The following B3GALT1 variants were observed in gnomAD, a reference collection of about 807,000 sequenced individuals.
The protein encoded by B3GALT1 is UDP-Gal:betaGlcNAc beta 1,3-galactosyltransferase, polypeptide 1.
In B3GALT1, 10 loss-of-function variants were observed where a neutral mutation model predicts 23.2. The observed-to-expected ratio is 0.43, with a 90% CI of 0.27 to 0.73. The LOEUF is 0.73. Among genes scored for constraint, B3GALT1 ranks in the 30% least tolerant of loss-of-function variants. The pLI is 0.21. For missense variants in B3GALT1, 299 were observed against 405.4 expected (o/e 0.74, Z 2.25); for synonymous variants, 156 against 141.5 (o/e 1.10, Z -0.73).
intron 3 of B3GALT1, among the ~76,000 whole-genome samples, chr2:167,660,616 A>G (rs1043590953): frequency 2.6e-5 from 4 of 152,148 alleles, no homozygotes; most frequent in Non-Finnish European, 4.4e-5. Flanking sequence ...CTTTCAAAAT[A>G]CAAATCATAA....
chr2:167,403,182 C>T (rs1350322759), intron 1 of B3GALT1, among the ~76,000 whole-genome samples: 1 of 129,700 alleles, frequency 7.7e-6, no homozygotes, highest in Non-Finnish European at 1.6e-5. Context: ...CTCCCCCCAC[C>T]CCACTACAGG....
intron 1 of B3GALT1, among the ~76,000 whole-genome samples, chr2:167,308,162 A>G (rs1219822820): frequency 6.6e-6 from 1 of 152,044 alleles, no homozygotes; most frequent in Non-Finnish European, 1.5e-5. Flanking sequence ...AGATGTTACT[A>G]TAATAATATC....
At position 167,525,551 on chromosome 2, in the gene B3GALT1, G is replaced by A. The variant is rs1683205086; in HGVS notation, c.-410+35274G>A. ...TACGTATATTATATAACTTTAGGTTGTAATCCAACACTCTGCTGTTTATTT... is the reference window on the plus strand; with the variant it reads ...TACGTATATTATATAACTTTAGGTTATAATCCAACACTCTGCTGTTTATTT... On this transcript the variant is annotated intron_variant, in intron 2 of 4. Transcript: ENST00000392690. Among the ~76,000 whole-genome samples the A allele has an allele frequency of 2.6e-5, 4 of 151,966 alleles. No homozygotes were observed. In the South Asian group the frequency reaches 8.3e-4, roughly 32 times the overall value.
intron 1 of B3GALT1, among the ~76,000 whole-genome samples, chr2:167,357,625 G>T (rs138965379): frequency 2.1e-3 from 313 of 152,178 alleles, no homozygotes; most frequent in African/African-American, 7.1e-3. Flanking sequence ...GACCAATATG[G>T]TGCTTAAGAA....
intron 3 of B3GALT1, among the ~76,000 whole-genome samples, chr2:167,758,877 C>T (rs142252268): frequency 2.0e-5 from 3 of 152,266 alleles, no homozygotes; most frequent in East Asian, 1.9e-4. Flanking sequence ...TGGGACAAAA[C>T]GTGTCCACCA....
rs188039111 is a variant in B3GALT1 at position 167,810,666 on chromosome 2, A to C, written c.-351-8006A>C. Among the ~76,000 whole-genome samples the C allele has an allele frequency of 1.5e-3, 231 of 150,970 alleles. 13 individuals are homozygous for C. The highest frequency in any genetic ancestry group is 5.4e-3 in the African/African-American group (216 of 40,318). On this transcript the variant is annotated intron_variant, in intron 3 of 4. Transcript: ENST00000392690. ...TGTTTACTACCTAAGTTTAACATCCAACTAAGCTTGCTAAGCCTCATAGAT... is the reference window on the plus strand; with the variant it reads ...TGTTTACTACCTAAGTTTAACATCCCACTAAGCTTGCTAAGCCTCATAGAT...
At chr2:167,760,343 TGATGG>T (rs1687881336) in intron 3 of B3GALT1, among the ~76,000 whole-genome samples, 1 of 152,188 alleles carries the variant, frequency 6.6e-6, no homozygotes, top group Non-Finnish European at 1.5e-5. Context: ...ACCAGAATTA[TGATGG>T]CAGTGAATTT....
At chr2:167,559,834 G>A (rs556858076) in intron 2 of B3GALT1, among the ~76,000 whole-genome samples, 1 of 152,334 alleles carries the variant, frequency 6.6e-6, no homozygotes, top group East Asian at 1.9e-4. Context: ...TCTGATTGGT[G>A]TACCTCAAAG....
intron 4 of B3GALT1, among the ~76,000 whole-genome samples, chr2:167,826,209 C>T (rs111849938): frequency 6.6e-6 from 1 of 152,100 alleles, no homozygotes; most frequent in Non-Finnish European, 1.5e-5. Context: ...TCACTTGACT[C>T]CCGGTCTTGC....
chr2:167,432,749 A>C (rs1684691512), intron 1 of B3GALT1, among the ~76,000 whole-genome samples: 1 of 152,230 alleles, frequency 6.6e-6, no homozygotes, highest in African/African-American at 2.4e-5. Context: ...GAGGAAAAAC[A>C]TTAATTTAAA....
intron 2 of B3GALT1, among the ~76,000 whole-genome samples, chr2:167,597,117 G>GTTTTT (rs1309406987): frequency 2.3e-5 from 3 of 131,446 alleles, no homozygotes; most frequent in South Asian, 2.5e-4. Context: ...TTTTGTTTTT[G>GTTTTT]TTTTTTTTTT....
intron 1 of B3GALT1, among the ~76,000 whole-genome samples, chr2:167,486,657 G>A (rs1390349727): frequency 6.6e-6 from 1 of 152,176 alleles, no homozygotes; most frequent in Admixed American, 6.5e-5. Context: ...GGCGAAGGTT[G>A]CAGTGAGCCG....
chr2:167,692,969 A>T (rs555177632), intron 3 of B3GALT1, among the ~76,000 whole-genome samples: 2 of 152,000 alleles, frequency 1.3e-5, no homozygotes, highest in Non-Finnish European at 1.5e-5. Flanking sequence ...AGCCAAGGAA[A>T]TGAAGGAAGA....
intron 1 of B3GALT1, among the ~76,000 whole-genome samples, chr2:167,436,317 C>T (rs1220844024): frequency 6.6e-6 from 1 of 152,102 alleles, no homozygotes; most frequent in African/African-American, 2.4e-5. Flanking sequence ...TGAAGAGTTC[C>T]ACCTCAGGTC....
intron 3 of B3GALT1, among the ~76,000 whole-genome samples, chr2:167,684,910 T>C (rs1233332729): frequency 2.6e-5 from 4 of 151,402 alleles, no homozygotes; most frequent in Non-Finnish European, 5.9e-5. Flanking sequence ...CTGGGGCTCG[T>C]GAAAAATAGA....
At chr2:167,563,994 C>CG (rs1278335237) in intron 2 of B3GALT1, among the ~76,000 whole-genome samples, 20 of 144,024 alleles carry the variant, frequency 1.4e-4, no homozygotes, top group Admixed American at 1.0e-3. Context: ...GCCGGCCGGA[C>CG]GGGGGGCCGA....
At chr2:167,804,082 CG>C (rs568005845) in intron 3 of B3GALT1, among the ~76,000 whole-genome samples, 1 of 152,120 alleles carries the variant, frequency 6.6e-6, no homozygotes, top group African/African-American at 2.4e-5. Flanking sequence ...TGCAACCTCC[CG>C]GGTTCAAGAC....
intron 1 of B3GALT1, among the ~76,000 whole-genome samples, chr2:167,445,624 C>T (rs2105316276): frequency 6.6e-6 from 1 of 152,182 alleles, no homozygotes; most frequent in South Asian, 2.1e-4. Context: ...ATGTAATGAC[C>T]TTTGTGTTTC....
At chr2:167,705,936 T>G (rs1231632042) in intron 3 of B3GALT1, among the ~76,000 whole-genome samples, 3 of 152,154 alleles carry the variant, frequency 2.0e-5, no homozygotes, top group African/African-American at 7.2e-5. Flanking sequence ...ATAAAACACT[T>G]TCATCATTGC....
Sources: allele counts gnomAD v4.1 joint callset (sites outside exome capture counted in the v4.1 genomes callset), GRCh38; gene constraint gnomAD v4.1.1; transcripts MANE v1.5; gene names NCBI Gene and HGNC (gene_info 2026-07-23, HGNC 2026-07-21).